Variants in WDR70 observed in about 807,000 individuals in gnomAD.
The protein encoded by WDR70 is WD repeat-containing protein 70.
Under a neutral mutation model 88.6 loss-of-function variants are expected in WDR70, and 53 were observed. The ratio of observed to expected loss-of-function variants is 0.60; its 90% CI spans 0.48 to 0.75. WDR70 has a LOEUF of 0.75. Among genes scored for constraint, WDR70 ranks in the 30% least tolerant of loss-of-function variants. The probability of loss-of-function intolerance (pLI) is 0.00; values close to 1 mark genes in which losing one functional copy is unlikely to be tolerated. For synonymous variants in WDR70, 280 were observed against 270.0 expected (o/e 1.04, Z -0.36); for missense variants, 610 against 823.2 (o/e 0.74, Z 3.17).
At chr5:37,379,417 G>T (rs754484291) in intron 1 of WDR70, 25 bp downstream of exon 1, 5 of 1,613,652 alleles carry the variant, frequency 3.1e-6, no homozygotes, top group Middle Eastern at 1.7e-4. Flanking sequence ...GCGAGTCCGG[G>T]CGGGGTGGGC....
intron 17 of WDR70, among the ~76,000 whole-genome samples, chr5:37,751,904 A>G (rs1195512346): frequency 6.6e-6 from 1 of 152,238 alleles, no homozygotes; most frequent in Non-Finnish European, 1.5e-5. Flanking sequence ...GATGTATCCT[A>G]AAATGCTTGG....
At chr5:37,725,179 A>T in intron 16 of WDR70, 129 bp downstream of exon 16, 2 of 710,620 alleles carry the variant, frequency 2.8e-6, no homozygotes. Flanking sequence ...CTAGTGTTTT[A>T]AAAATGTTTT....
At chr5:37,749,968 C>T (rs1466410813) in intron 17 of WDR70, among the ~76,000 whole-genome samples, 2 of 151,996 alleles carry the variant, frequency 1.3e-5, no homozygotes, top group Non-Finnish European at 2.9e-5. Flanking sequence ...TATTTTCTAC[C>T]AATTTGTTTT....
chr5:37,471,172 G>A (rs1739315508), intron 7 of WDR70, among the ~76,000 whole-genome samples: 1 of 152,108 alleles, frequency 6.6e-6, no homozygotes, highest in Non-Finnish European at 1.5e-5. Context: ...GTGAGCCACT[G>A]CACCAGCCCA....
chr5:37,673,222 A>G (rs11739400), intron 10 of WDR70, among the ~76,000 whole-genome samples: 45,882 of 152,024 alleles, frequency 0.3, 7,072 homozygotes, highest in Admixed American at 0.37. Flanking sequence ...TTCCTGCAAA[A>G]GATGTGATCT....
At chr5:37,685,465 G>A (rs75771154) in intron 10 of WDR70, among the ~76,000 whole-genome samples, 5,267 of 152,146 alleles carry the variant, frequency 0.035, 119 homozygotes, top group Middle Eastern at 0.061. Context: ...CAGGGTTGCC[G>A]AGGCTGCACT....
At chr5:37,448,926 A>AT (rs962271595) in intron 7 of WDR70, among the ~76,000 whole-genome samples, 18 of 152,296 alleles carry the variant, frequency 1.2e-4, no homozygotes, top group African/African-American at 4.3e-4. Flanking sequence ...TCATGGTTAG[A>AT]TTGAGATTAT....
chr5:37,438,701 A>G (rs990984604), intron 6 of WDR70, among the ~76,000 whole-genome samples: 3 of 152,202 alleles, frequency 2.0e-5, no homozygotes, highest in Admixed American at 6.5e-5. Context: ...CAATAGAGGT[A>G]GACCCAGAAA....
chr5:37,587,778 CTTTTTT>C (rs55980790), intron 9 of WDR70, among the ~76,000 whole-genome samples: 5 of 122,758 alleles, frequency 4.1e-5, no homozygotes, highest in Admixed American at 2.5e-4. Context: ...AAGCCCTATT[CTTTTTT>C]TTTTTTTTTT....
chr5:37,401,946 TCA>T (rs931257028), intron 5 of WDR70, among the ~76,000 whole-genome samples: 1 of 152,242 alleles, frequency 6.6e-6, no homozygotes, highest in African/African-American at 2.4e-5. Flanking sequence ...TTCAAAATTC[TCA>T]CTTTTAGCTC....
At chr5:37,715,126 G>A (rs1747618836) in intron 13 of WDR70, among the ~76,000 whole-genome samples, 1 of 152,216 alleles carries the variant, frequency 6.6e-6, no homozygotes, top group Middle Eastern at 3.4e-3. Flanking sequence ...TTGATAATTA[G>A]ATGCCAGTTT....
intron 10 of WDR70, among the ~76,000 whole-genome samples, chr5:37,690,292 G>A (rs1419677670): frequency 6.6e-6 from 1 of 152,124 alleles, no homozygotes; most frequent in East Asian, 1.9e-4. Flanking sequence ...CTGTCTTCAG[G>A]ATATTATCCA....
intron 5 of WDR70, among the ~76,000 whole-genome samples, chr5:37,416,479 G>A (rs1352853294): frequency 2.6e-5 from 4 of 151,600 alleles, no homozygotes; most frequent in South Asian, 4.2e-4. Flanking sequence ...GCTTCGGCTC[G>A]GCATCAGAGG....
intron 2 of WDR70, among the ~76,000 whole-genome samples, chr5:37,381,265 G>C (rs1748415182): frequency 6.6e-6 from 1 of 152,146 alleles, no homozygotes; most frequent in African/African-American, 2.4e-5. Flanking sequence ...GGCCAAATAG[G>C]ATAGTTTCCC....
chr5:37,627,217 T>C (rs2112517194), intron 10 of WDR70, among the ~76,000 whole-genome samples: 1 of 152,200 alleles, frequency 6.6e-6, no homozygotes, highest in Admixed American at 6.5e-5. Flanking sequence ...GCCACCTGAG[T>C]AGCTGGGACT....
intron 13 of WDR70, among the ~76,000 whole-genome samples, chr5:37,713,569 A>C (rs1329561938): frequency 1.3e-5 from 2 of 151,960 alleles, no homozygotes; most frequent in Non-Finnish European, 2.9e-5. Flanking sequence ...GGAATCAGCC[A>C]CTAGGTAGTA....
chr5:37,405,444 G>A (rs1417679816), intron 5 of WDR70, among the ~76,000 whole-genome samples: 1 of 151,688 alleles, frequency 6.6e-6, no homozygotes, highest in Non-Finnish European at 1.5e-5. Flanking sequence ...CTGCCTCCCA[G>A]GTTCAAGCGA....
intron 10 of WDR70, among the ~76,000 whole-genome samples, chr5:37,681,232 C>T (rs1241774134): frequency 1.3e-5 from 2 of 151,512 alleles, no homozygotes; most frequent in African/African-American, 2.4e-5. Flanking sequence ...CTTGGCTTGG[C>T]TGTTTTTTGT....
intron 10 of WDR70, among the ~76,000 whole-genome samples, chr5:37,658,314 T>A (rs1483350304): frequency 6.6e-6 from 1 of 151,586 alleles, no homozygotes; most frequent in Non-Finnish European, 1.5e-5. Context: ...AAGACACATA[T>A]TCACAAAAGA....
Sources: allele counts gnomAD v4.1 joint callset (sites outside exome capture counted in the v4.1 genomes callset), GRCh38; gene constraint gnomAD v4.1.1; transcripts MANE v1.5; gene names NCBI Gene and HGNC (gene_info 2026-07-23, HGNC 2026-07-21).